Variants in ELK3 observed in about 807,000 individuals in gnomAD.
ELK3 encodes ETS domain-containing protein Elk-3.
A neutral mutation model predicts 28.9 loss-of-function variants in ELK3; 10 were observed. The ratio of observed to expected loss-of-function variants is 0.35; its 90% CI spans 0.21 to 0.59. The LOEUF is 0.59. Ranked by LOEUF, ELK3 falls within the 20% of genes least tolerant of loss-of-function variation. The pLI, the probability that ELK3 is intolerant of heterozygous loss-of-function variation, is 0.82. For missense variants in ELK3, 463 were observed against 517.3 expected, an observed-to-expected ratio of 0.90 and a Z score of 1.02; for synonymous variants, 272 against 243.5, an observed-to-expected ratio of 1.12 and a Z score of -1.09.
chr12:96,196,018 A>C (rs544279036), intron 1 of ELK3, among the ~76,000 whole-genome samples: 1 of 152,182 alleles, frequency 6.6e-6, no homozygotes, highest in East Asian at 1.9e-4. Flanking sequence ...AGAGGGTTAA[A>C]GGGATTCTGC....
chr12:96,241,852 G>A (rs1449223925), intron 2 of ELK3, among the ~76,000 whole-genome samples: 3 of 152,218 alleles, frequency 2.0e-5, no homozygotes, highest in Non-Finnish European at 2.9e-5. Context: ...CTGTTTGAAG[G>A]GGATGTTGCT....
intron 1 of ELK3, among the ~76,000 whole-genome samples, chr12:96,207,846 GT>G (rs1565777690): frequency 6.6e-6 from 1 of 152,198 alleles, no homozygotes; most frequent in Non-Finnish European, 1.5e-5. Flanking sequence ...TTAACCCTTT[GT>G]ATAATAAATT....
intron 2 of ELK3, among the ~76,000 whole-genome samples, chr12:96,230,105 T>C (rs1951730154): frequency 6.6e-6 from 1 of 152,230 alleles, no homozygotes; most frequent in African/African-American, 2.4e-5. Context: ...ATATTTTTAC[T>C]GTACCTTTTG....
intron 4 of ELK3, among the ~76,000 whole-genome samples, chr12:96,262,071 T>G (rs1592693490): frequency 6.8e-6 from 1 of 146,496 alleles, no homozygotes. Context: ...CAGGCTGGAG[T>G]GCAGTGGTGT....
intron 1 of ELK3, among the ~76,000 whole-genome samples, chr12:96,222,352 T>A (rs1951668013): frequency 6.6e-6 from 1 of 152,054 alleles, no homozygotes; most frequent in African/African-American, 2.4e-5. Flanking sequence ...CCAGAAGAAA[T>A]AGCATTTAAA....
chr12:96,223,441 T>G, intron 1 of ELK3, 124 bp from the exon 2 acceptor site: 1 of 863,752 alleles, frequency 1.2e-6, no homozygotes, highest in Non-Finnish European at 1.8e-6. Context: ...AAAGCTACTT[T>G]TTATTAGGTT....
At chr12:96,223,117 G>A (rs1045266251) in intron 1 of ELK3, among the ~76,000 whole-genome samples, 2 of 152,028 alleles carry the variant, frequency 1.3e-5, no homozygotes, top group African/African-American at 2.4e-5. Context: ...CCAACGTTGG[G>A]GATTACAATT....
At chr12:96,246,201 C>T (rs899355940) in intron 2 of ELK3, among the ~76,000 whole-genome samples, 1 of 152,168 alleles carries the variant, frequency 6.6e-6, no homozygotes, top group African/African-American at 2.4e-5. Context: ...TCAGGACATG[C>T]TGCCTCTACC....
intron 1 of ELK3, among the ~76,000 whole-genome samples, chr12:96,209,217 A>G (rs192050662): frequency 6.6e-6 from 1 of 152,312 alleles, no homozygotes; most frequent in East Asian, 1.9e-4. Flanking sequence ...GAGCTAACAC[A>G]TGAGATTTTC....
At chr12:96,245,399 A>G (rs1592685595) in intron 2 of ELK3, among the ~76,000 whole-genome samples, 2 of 152,134 alleles carry the variant, frequency 1.3e-5, no homozygotes, top group South Asian at 4.1e-4. Flanking sequence ...TTCTTGGGCA[A>G]ATGACTCTCC....
chr12:96,240,557 T>C (rs1431903738), intron 2 of ELK3, among the ~76,000 whole-genome samples: 1 of 152,186 alleles, frequency 6.6e-6, no homozygotes, highest in African/African-American at 2.4e-5. Flanking sequence ...GTCTTTGTGA[T>C]AGGGTCAAGT....
intron 2 of ELK3, among the ~76,000 whole-genome samples, chr12:96,231,487 T>A (rs564105535): frequency 1.1e-4 from 17 of 152,296 alleles, no homozygotes; most frequent in African/African-American, 4.1e-4. Context: ...CATTCACCAC[T>A]TCTTGAATAA....
At chr12:96,217,707 G>A (rs1353181112) in intron 1 of ELK3, among the ~76,000 whole-genome samples, 1 of 151,978 alleles carries the variant, frequency 6.6e-6, no homozygotes, top group East Asian at 1.9e-4. Flanking sequence ...AGGCCGAGGC[G>A]GGCAGATCAC....
chr12:96,205,574 C>G (rs1264449297), intron 1 of ELK3, among the ~76,000 whole-genome samples: 1 of 152,112 alleles, frequency 6.6e-6, no homozygotes, highest in Non-Finnish European at 1.5e-5. Flanking sequence ...CCTGGGCTCA[C>G]ATGATCTTCC....
intron 1 of ELK3, among the ~76,000 whole-genome samples, chr12:96,201,599 AAAAG>A (rs1306805660): frequency 6.6e-6 from 1 of 151,826 alleles, no homozygotes; most frequent in Non-Finnish European, 1.5e-5. Flanking sequence ...AAAAAAAAAA[AAAAG>A]GGATTGAAGT....
intron 2 of ELK3, among the ~76,000 whole-genome samples, chr12:96,245,974 C>T (rs75187077): frequency 0.045 from 6,833 of 152,082 alleles, 213 homozygotes; most frequent in Non-Finnish European, 0.067. Context: ...TCACAGATAT[C>T]CAAAGTAGAC....
intron 2 of ELK3, among the ~76,000 whole-genome samples, chr12:96,243,689 A>AACCTCT (rs1951836934): frequency 6.6e-6 from 1 of 152,220 alleles, no homozygotes; most frequent in East Asian, 1.9e-4. Flanking sequence ...TCTCTACTAA[A>AACCTCT]AAAAATTAGC....
intron 2 of ELK3, among the ~76,000 whole-genome samples, chr12:96,235,751 T>G (rs1951778466): frequency 6.6e-6 from 1 of 152,100 alleles, no homozygotes; most frequent in Admixed American, 6.5e-5. Context: ...AAGGTCAAGG[T>G]CAGTGTTAGC....
chr12:96,203,739 G>T lies in ELK3; in HGVS notation c.-3+9034G>T, dbSNP rs1400808183. On this transcript the variant is annotated intron_variant, in intron 1 of 4. Coordinates refer to ENST00000228741, the MANE Select transcript of ELK3 (RefSeq NM_005230.4). Reference sequence around the variant, plus strand: ...GCAGATCACTTGAGGTTAGAAGTTCGATACCAGCCTGGCCAACATGGTGAA... The same window carrying T: ...GCAGATCACTTGAGGTTAGAAGTTCTATACCAGCCTGGCCAACATGGTGAA... Among the ~76,000 whole-genome samples, 3 of 152,274 alleles carry T rather than the reference G, an allele frequency of 2.0e-5. No homozygotes were observed. The South Asian group carries it at 6.2e-4, about 32-fold the overall frequency.
Sources: gnomAD v4.1 joint callset for allele counts (sites outside exome capture counted in the v4.1 genomes callset) on GRCh38, gnomAD v4.1.1 for gene constraint, MANE v1.5 for transcripts, NCBI Gene and HGNC (gene_info 2026-07-23, HGNC 2026-07-21) for gene names.